Variants in ACYP2 observed in about 807,000 individuals in gnomAD.
ACYP2 encodes the protein acylphosphatase 2, also known as acylphosphatase-2.
In ACYP2, 12 loss-of-function variants were observed where a neutral mutation model predicts 11.2. The ratio of observed to expected loss-of-function variants is 1.08; its 90% CI spans 0.69 to 1.74. The LOEUF (loss-of-function observed/expected upper bound fraction) is 1.74. ACYP2 is among the 40% of genes most tolerant of loss of function. ACYP2 has a pLI of 0.00. For missense variants in ACYP2, 134 were observed against 101.9 expected, an observed-to-expected ratio of 1.31 and a Z score of -1.35; for synonymous variants, 43 against 32.2, an observed-to-expected ratio of 1.33 and a Z score of -1.13.
intron 4 of ACYP2, among the ~76,000 whole-genome samples, chr2:54,128,978 G>C (rs900340080): frequency 1.3e-5 from 2 of 152,052 alleles, no homozygotes. Context: ...TGCTTTATCA[G>C]GTTTCTAGGT....
chr2:54,266,668 C>T (rs1190142544), intron 6 of ACYP2, among the ~76,000 whole-genome samples: 3 of 120,270 alleles, frequency 2.5e-5, no homozygotes, highest in Admixed American at 1.2e-4. Context: ...TGCAGTGGCG[C>T]GATCTCGGCT....
At chr2:54,008,123 G>T (rs548865160) in intron 2 of ACYP2, among the ~76,000 whole-genome samples, 18 of 152,178 alleles carry the variant, frequency 1.2e-4, no homozygotes, top group Non-Finnish European at 2.5e-4. Context: ...ACCATAAACT[G>T]CAGTCCCTCC....
At chr2:54,203,965 T>C (rs114857660) in intron 6 of ACYP2, among the ~76,000 whole-genome samples, 1,902 of 152,334 alleles carry the variant, frequency 0.012, 36 homozygotes, top group African/African-American at 0.044. Context: ...ATAAACTGTC[T>C]TAAAACATTA....
chr2:53,991,265 C>T (rs989787652), intron 2 of ACYP2, among the ~76,000 whole-genome samples: 7 of 152,132 alleles, frequency 4.6e-5, no homozygotes, highest in South Asian at 4.1e-4. Flanking sequence ...TGTTAATGGA[C>T]GTTTTGGTTG....
At chr2:54,041,625 G>GGGAAT (rs1375377751) in intron 2 of ACYP2, among the ~76,000 whole-genome samples, 9 of 152,148 alleles carry the variant, frequency 5.9e-5, no homozygotes, top group African/African-American at 1.9e-4. Context: ...CTGGACTATG[G>GGGAAT]GGAATGTTTT....
At chr2:54,066,220 A>G (rs1676739377) in intron 4 of ACYP2, among the ~76,000 whole-genome samples, 1 of 152,106 alleles carries the variant, frequency 6.6e-6, no homozygotes, top group Non-Finnish European at 1.5e-5. Flanking sequence ...TGTTCCCATG[A>G]TAGTGAGGGA....
chr2:54,177,901 C>CT (rs1241070377), intron 6 of ACYP2, among the ~76,000 whole-genome samples: 8 of 124,038 alleles, frequency 6.4e-5, no homozygotes, highest in Non-Finnish European at 7.9e-5. Context: ...TTCTTTCTTT[C>CT]TTTATTTTTT....
chr2:54,103,554 G>A (rs957166861), intron 4 of ACYP2, among the ~76,000 whole-genome samples: 4 of 152,032 alleles, frequency 2.6e-5, no homozygotes, highest in Non-Finnish European at 4.4e-5. Context: ...TGGGTATTAT[G>A]CTTTTACTCA....
chr2:54,261,711 A>T (rs1239568834), intron 6 of ACYP2, among the ~76,000 whole-genome samples: 1 of 152,220 alleles, frequency 6.6e-6, no homozygotes, highest in Non-Finnish European at 1.5e-5. Context: ...TTTAACATAC[A>T]GAACTATTTT....
At chr2:54,301,284 GA>G (rs1689715597) in intron 6 of ACYP2, among the ~76,000 whole-genome samples, 1 of 151,962 alleles carries the variant, frequency 6.6e-6, no homozygotes, top group Non-Finnish European at 1.5e-5. Context: ...AAGATTTGGG[GA>G]AAAAAACCAA....
At chr2:54,002,911 G>C (rs1443236683) in intron 2 of ACYP2, among the ~76,000 whole-genome samples, 3 of 151,414 alleles carry the variant, frequency 2.0e-5, no homozygotes, top group African/African-American at 7.3e-5. Flanking sequence ...GCCTCCCAAA[G>C]TGCTGGGATT....
At position 54,153,669 on chromosome 2, in the gene ACYP2, G is replaced by A. The variant is rs978700266; in HGVS notation, c.404+14921G>A. On this transcript the variant is annotated intron_variant, in intron 6 of 6. Coordinates refer to ENST00000607452, the MANE Select transcript of ACYP2 (RefSeq NM_001320586.2). The stretch of plus-strand genomic sequence containing the variant: ...GGCTGGAGTGCAGTGGCGTGATCTC[G>A]GCTCACTGCAAGCTCTGCCTCCTGG... 7.4e-5 allele frequency among the ~76,000 whole-genome samples: 11 copies of A among 148,928 alleles called. 1 individual carries two copies. The highest frequency in any genetic ancestry group is 3.4e-4 in the Admixed American group (5 of 14,760).
At chr2:54,019,647 T>A (rs1673894954) in intron 2 of ACYP2, among the ~76,000 whole-genome samples, 1 of 148,596 alleles carries the variant, frequency 6.7e-6, no homozygotes, top group African/African-American at 2.5e-5. Context: ...TGAGACGGAG[T>A]CTCACTCCGT....
At chr2:54,041,685 C>T (rs562826745) in intron 2 of ACYP2, among the ~76,000 whole-genome samples, 32 of 152,224 alleles carry the variant, frequency 2.1e-4, no homozygotes, top group South Asian at 6.2e-4. Context: ...GTGTCAGAGG[C>T]GGCAAGGGAG....
chr2:54,123,164 AAGT>A, intron 4 of ACYP2: 1 of 391,664 alleles, frequency 2.6e-6, no homozygotes, highest in Non-Finnish European at 4.5e-6. Context: ...GCAGGGTAGA[AAGT>A]AGCCAGGAAT....
At chr2:54,102,638 CAAAAAAAAAAAAAAAAAAAAA>C (rs58842257) in intron 4 of ACYP2, among the ~76,000 whole-genome samples, 6 of 83,304 alleles carry the variant, frequency 7.2e-5, no homozygotes, top group Non-Finnish European at 1.2e-4. Context: ...TGGCTTAAGC[CAAAAAAAAAAAAAAAAAAAAA>C]AAAAAAAAAA....
chr2:54,075,268 G>A (rs976034948), intron 4 of ACYP2, among the ~76,000 whole-genome samples: 1 of 152,184 alleles, frequency 6.6e-6, no homozygotes, highest in Non-Finnish European at 1.5e-5. Flanking sequence ...TAAGGCCTAG[G>A]AGGGTAAATC....
intron 6 of ACYP2, among the ~76,000 whole-genome samples, chr2:54,145,971 T>C (rs1681863394): frequency 6.6e-6 from 1 of 152,216 alleles, no homozygotes; most frequent in South Asian, 2.1e-4. Flanking sequence ...CAGGCTCCTG[T>C]GTCCTTAATC....
At chr2:54,045,101 C>A (rs1209020651) in intron 2 of ACYP2, among the ~76,000 whole-genome samples, 1 of 152,124 alleles carries the variant, frequency 6.6e-6, no homozygotes, top group African/African-American at 2.4e-5. Context: ...TCCTTCAGGT[C>A]CTGCATACCA....
Sources: allele counts gnomAD v4.1 joint callset (sites outside exome capture counted in the v4.1 genomes callset), GRCh38; gene constraint gnomAD v4.1.1; transcripts MANE v1.5; gene names NCBI Gene and HGNC (gene_info 2026-07-23, HGNC 2026-07-21).